COX6A2: variants seen among roughly 807,000 people sequenced by gnomAD.
COX6A2 encodes the protein cytochrome c oxidase subunit 6A2, mitochondrial.
Under a neutral mutation model 7.2 loss-of-function variants are expected in COX6A2, and 5 were observed. The observed-to-expected ratio is 0.69, with a 90% CI of 0.36 to 1.45. The LOEUF (loss-of-function observed/expected upper bound fraction) is 1.45, where lower values mean the gene tolerates loss of function less well. Ranked by LOEUF, COX6A2 falls within the 40% of genes most tolerant of loss-of-function variation. The probability of loss-of-function intolerance (pLI) is 0.03; values close to 1 mark genes in which losing one functional copy is unlikely to be tolerated. For missense variants in COX6A2, 174 were observed against 137.7 expected, an observed-to-expected ratio of 1.26 and a Z score of -1.32; for synonymous variants, 63 against 55.9, an observed-to-expected ratio of 1.13 and a Z score of -0.56.
chr16:31,427,892 C>G (rs2082147779), intron 2 of COX6A2, 35 bp from the exon 3 acceptor site: 1 of 1,162,606 alleles, frequency 8.6e-7, no homozygotes, highest in Middle Eastern at 3.1e-4. Context: ...CGCGCGTGAG[C>G]GCCGTGAGTC....
chr16:31,428,001 C>T lies in COX6A2; in HGVS notation c.210+14G>A, dbSNP rs1332570842. The T allele has an allele frequency of 7.2e-7, 1 of 1,389,422 alleles. No individual in the cohort carries two copies. Among genetic ancestry groups the T allele is most frequent in the Admixed American group, 2.7e-5 (1 of 37,692 alleles). The allele number at this position is 1,389,422 out of a possible 1,614,324, so 86.1% of individuals were successfully genotyped here. The stretch of plus-strand genomic sequence containing the variant: ...GCAGCACCCCCGTGCCGCCCGCGCG[C>T]CCGTCCCGCGTACCTTGGTGCGGAT... On this transcript the variant is annotated intron_variant, in intron 2 of 2. Coordinates refer to ENST00000287490, the MANE Select transcript of COX6A2 (RefSeq NM_005205.4).
At position 31,427,928 on chromosome 16, in the gene COX6A2, C is replaced by CCCCCGCAGCACCCCCCCCG. The variant is rs1567362259; in HGVS notation, c.211-72_211-71insCGGGGGGGGTGCTGCGGGG. 34 of 332,822 alleles carry CCCCCGCAGCACCCCCCCCG rather than the reference C, an allele frequency of 1.0e-4. 6 individuals are homozygous for CCCCCGCAGCACCCCCCCCG. The African/African-American group carries it at 1.7e-3, about 17-fold the overall frequency. 20.6% of individuals were successfully genotyped at this position (332,822 alleles called of 1,614,324 possible). ...CGGAGTCCGCGCCCCGCGCGACCCC[C>CCCCCGCAGCACCCCCCCCG]CCCCCGCAGCACCCCCCCCCGCCCC... On this transcript the variant is annotated intron_variant, in intron 2 of 2. Transcript: ENST00000287490.
At chr16:31,427,960 AC>A (rs1391925319) in intron 2 of COX6A2, 54 bp downstream of exon 2, 17,692 of 150,824 alleles carry the variant, frequency 0.12, 1,558 homozygotes, top group African/African-American at 0.33. Flanking sequence ...CCCCCGCAGC[AC>A]CCCCCCCCGC....
Position 31,427,806 on chromosome 16 carries a change from T to G in COX6A2, c.262A>C (p.Asn88His). 1 of 1,414,206 alleles carries G rather than the reference T, an allele frequency of 7.1e-7. No homozygotes were observed. Among genetic ancestry groups the G allele is most frequent in the Non-Finnish European group, 9.3e-7 (1 of 1,080,946 alleles). The allele number at this position is 1,414,206 out of a possible 1,614,324, so 87.6% of individuals were successfully genotyped here. Residue 88 changes from asparagine (N) to histidine (H), a missense_variant, in exon 3 of 3, where the codon AAC (asparagine) becomes CAC (histidine). Asn to His is a moderately conservative substitution (Grantham distance 68, BLOSUM62 1). Coordinates refer to ENST00000287490, the MANE Select transcript of COX6A2 (RefSeq NM_005205.4). ...NHTLFHNSHV[N>H]PLPTGYEHP Reference sequence around the variant, plus strand: ...TGTTCGTAGCCCGTGGGCAGAGGGTTCACGTGGCTATTGTGGAACAGAGTG... The same window carrying G: ...TGTTCGTAGCCCGTGGGCAGAGGGTGCACGTGGCTATTGTGGAACAGAGTG...
Position 31,428,149 on chromosome 16 carries a change from G to A in COX6A2, c.76C>T (p.Arg26Cys). The A allele has an allele frequency of 6.4e-7, 1 of 1,572,172 alleles. No individual in the cohort carries two copies. Among genetic ancestry groups the A allele is most frequent in the Non-Finnish European group, 8.6e-7 (1 of 1,159,840 alleles). Residue 26 changes from arginine to cysteine, a missense_variant and splice_region_variant, in exon 2 of 3, where the codon CGT (arginine) becomes TGT (cysteine). Transcript: ENST00000287490. Reference protein sequence around the residue: ...AKGGHGGAGARTWRLLTFVLA... With the variant: ...AKGGHGGAGACTWRLLTFVLA... ...ACGAAGGTCAGCAGACGCCAGGTAC[G>A]AGCTGCGGACGGAGCGGGGTGAGCG...
chr16:31,428,113 G>T lies in COX6A2; in HGVS notation c.112C>A (p.Pro38Thr). 6.4e-7 allele frequency: 1 copy of T among 1,569,032 alleles called. No homozygotes were observed. Among genetic ancestry groups the T allele is most frequent in the Non-Finnish European group, 8.6e-7 (1 of 1,158,210 alleles). Residue 38 changes from proline (P) to threonine (T), a missense_variant, in exon 2 of 3, where the codon CCC (proline) becomes ACC (threonine). By Grantham distance (38) the Pro-to-Thr change is conservative. Transcript: ENST00000287490. Reference protein sequence around the residue: ...WRLLTFVLALPSVALCTFNSY... With the variant: ...WRLLTFVLALTSVALCTFNSY... ...TTGAAGGTGCAGAGGGCCACGCTGG[G>T]CAGCGCCAGCACGAAGGTCAGCAGA...
rs750662079 is a variant in COX6A2, at chr16:31,428,070, C to T, written c.155G>A (p.Gly52Asp). 6 of 1,548,632 alleles carry T rather than the reference C, an allele frequency of 3.9e-6. No homozygotes were observed. In the African/African-American group the frequency reaches 5.6e-5, roughly 14 times the overall value. ...ACGGAACTCGGGGCGCGGGCGGTGG[C>T]CCGAGTGGAGATAGGAGTTGAAGGT... ...LCTFNSYLHS[G>D]HRPRPEFRPY... The change falls in exon 2 of 3, where the codon GGC becomes GAC. Residue 52 changes from glycine to aspartate, a missense_variant. Coordinates refer to ENST00000287490, the MANE Select transcript of COX6A2 (RefSeq NM_005205.4).
Position 31,427,810 on chromosome 16 carries a change from G to A in COX6A2, c.258C>T (p.His86=). ...DGNHTLFHNS[H]VNPLPTGYEH... ...CGTAGCCCGTGGGCAGAGGGTTCAC[G>A]TGGCTATTGTGGAACAGAGTGTGGT... The change falls in exon 3 of 3, where the codon CAC becomes CAT. Residue 86 remains histidine (H), a synonymous_variant. Coordinates refer to ENST00000287490, the MANE Select transcript of COX6A2 (RefSeq NM_005205.4). 2.8e-6 allele frequency: 4 copies of A among 1,413,628 alleles called. No homozygotes were observed. The highest frequency in any genetic ancestry group is 3.7e-6 in the Non-Finnish European group (4 of 1,080,780). 87.6% of individuals were successfully genotyped at this position (1,413,628 alleles called of 1,614,324 possible).
intron 1 of COX6A2, 22 bp from the exon 2 acceptor site, chr16:31,428,173 C>G: frequency 6.4e-7 from 1 of 1,562,650 alleles, no homozygotes; most frequent in Non-Finnish European, 8.7e-7. Context: ...GCGGGGTGAG[C>G]GCGGCGGTCC....
intron 2 of COX6A2, 44 bp downstream of exon 2, chr16:31,427,971 C>T (rs2082151159): frequency 9.3e-7 from 1 of 1,077,542 alleles, no homozygotes; most frequent in South Asian, 4.3e-5. Context: ...CCCCCCCCCG[C>T]CCCCGCAGCA....
rs778686952 is a variant in COX6A2, at chr16:31,428,155, C to T, written c.74-4G>A. On this transcript the variant is annotated splice_region_variant and splice_polypyrimidine_tract_variant and intron_variant, in intron 1 of 2. Transcript: ENST00000287490. ...GTCAGCAGACGCCAGGTACGAGCTGCGGACGGAGCGGGGTGAGCGCGGCGG... is the reference window on the plus strand; with the variant it reads ...GTCAGCAGACGCCAGGTACGAGCTGTGGACGGAGCGGGGTGAGCGCGGCGG... 1 of 1,569,436 alleles carries T rather than the reference C, an allele frequency of 6.4e-7. No homozygotes were observed. Among genetic ancestry groups the T allele is most frequent in the Admixed American group, 1.9e-5 (1 of 53,540 alleles).
rs1031463975 is a variant in COX6A2 at position 31,428,281 on chromosome 16, A to C, written c.45T>G (p.Ala15=). Residue 15 remains alanine, a synonymous_variant, in exon 1 of 3, where the codon GCT becomes GCG. Coordinates refer to ENST00000287490, the MANE Select transcript of COX6A2 (RefSeq NM_005205.4). ...CTGCTCCTCCGTGGCCTCCTTTGGC[A>C]GCGCTGGCCAAGCCCCGGGTCAGGG... The part of the protein sequence containing the change: ...LRPLTRGLAS[A]AKGGHGGAGA... 5.0e-6 allele frequency: 8 copies of C among 1,605,272 alleles called. No individual in the cohort carries two copies.
rs1403008098 is a variant in COX6A2, at chr16:31,427,991, C to T, written c.210+24G>A. The stretch of plus-strand genomic sequence containing the variant: ...CCCCGCCCCCGCAGCACCCCCGTGC[C>T]GCCCGCGCGCCCGTCCCGCGTACCT... On this transcript the variant is annotated intron_variant, in intron 2 of 2. Coordinates refer to ENST00000287490, the MANE Select transcript of COX6A2 (RefSeq NM_005205.4). 3.7e-5 allele frequency: 48 copies of T among 1,310,426 alleles called. No homozygotes were observed. In the East Asian group the frequency reaches 1.2e-3, roughly 32 times the overall value. 81.2% of individuals were successfully genotyped at this position (1,310,426 alleles called of 1,614,324 possible). A position where few individuals can be genotyped will look rare whatever the true frequency, so the allele number is the denominator to read the frequency against.
In COX6A2 at chr16:31,428,054, G is replaced by A. The variant is rs2082152016; in HGVS notation, c.171C>T (p.Pro57=). Residue 57 remains proline, a synonymous_variant, in exon 2 of 3, where the codon CCC becomes CCT. Coordinates refer to ENST00000287490, the MANE Select transcript of COX6A2 (RefSeq NM_005205.4). ...SYLHSGHRPR[P]EFRPYQHLRI... ...GGAGGTGTTGGTAGGGACGGAACTC[G>A]GGGCGCGGGCGGTGGCCCGAGTGGA... The A allele has an allele frequency of 1.9e-6, 3 of 1,542,682 alleles. No homozygotes were observed. The highest frequency in any genetic ancestry group is 2.6e-6 in the Non-Finnish European group (3 of 1,145,750).
intron 2 of COX6A2, 21 bp downstream of exon 2, chr16:31,427,994 C>G: frequency 1.5e-6 from 2 of 1,341,578 alleles, no homozygotes; most frequent in East Asian, 3.2e-5. Flanking sequence ...CCCGTGCCGC[C>G]CGCGCGCCCG....
Sources: allele counts gnomAD v4.1 joint callset, GRCh38; gene constraint gnomAD v4.1.1; transcripts MANE v1.5; gene names NCBI Gene and HGNC (gene_info 2026-07-23, HGNC 2026-07-21).